NXPE2: variants seen among roughly 807,000 people sequenced by gnomAD.
The protein encoded by NXPE2 is NXPE family member 2.
In NXPE2, 34 loss-of-function variants were observed where a neutral mutation model predicts 34.4. The ratio of observed to expected loss-of-function variants is 0.99; its 90% CI spans 0.75 to 1.31. The LOEUF is 1.31. NXPE2 is among the 40% of genes most tolerant of loss of function. NXPE2 has a pLI of 0.00. For synonymous variants in NXPE2, 235 were observed against 231.3 expected (o/e 1.02, Z -0.15); for missense variants, 649 against 672.5 (o/e 0.97, Z 0.39).
At chr11:114,812,207 GC>G in the NXPE2 span, among the ~76,000 whole-genome samples, 1 of 152,152 alleles carries the variant, frequency 6.6e-6, no homozygotes, top group Non-Finnish European at 1.5e-5. Context: ...TGATCAAGTG[GC>G]CCCAGCTGAG....
chr11:114,564,228 T>C, the NXPE2 span, among the ~76,000 whole-genome samples: 3 of 152,178 alleles, frequency 2.0e-5, no homozygotes, highest in Non-Finnish European at 4.4e-5. Context: ...TCATATCATA[T>C]GTTCTCACTC....
At chr11:114,631,414 A>G in the NXPE2 span, among the ~76,000 whole-genome samples, 4 of 151,232 alleles carry the variant, frequency 2.6e-5, no homozygotes, top group African/African-American at 7.3e-5. Context: ...TCAGTAAACT[A>G]TCGCAAGAAC....
chr11:114,464,464 A>G, the NXPE2 span, among the ~76,000 whole-genome samples: 1 of 152,152 alleles, frequency 6.6e-6, no homozygotes, highest in South Asian at 2.1e-4. Context: ...TGCATTTTTG[A>G]CTCATGATAT....
the NXPE2 span, among the ~76,000 whole-genome samples, chr11:114,544,932 A>T: frequency 6.6e-6 from 1 of 152,194 alleles, no homozygotes; most frequent in South Asian, 2.1e-4. Context: ...ACCAAAGAAG[A>T]GACACGCATT....
At chr11:114,708,654 A>G (rs747840822), downstream of NXPE2, among the ~76,000 whole-genome samples, 8 of 151,866 alleles carry the variant, frequency 5.3e-5, no homozygotes, top group Non-Finnish European at 8.8e-5. Context: ...AAGAAAAGAA[A>G]AGAAAAGAAA....
At chr11:114,504,102 C>T in the NXPE2 span, among the ~76,000 whole-genome samples, 1 of 152,222 alleles carries the variant, frequency 6.6e-6, no homozygotes, top group Non-Finnish European at 1.5e-5. Context: ...GAGCCCACGG[C>T]AACTGCCCAC....
the NXPE2 span, among the ~76,000 whole-genome samples, chr11:114,752,619 T>C: frequency 6.6e-6 from 1 of 152,034 alleles, no homozygotes; most frequent in Admixed American, 6.5e-5. Flanking sequence ...TGAAAATAGA[T>C]CCTAGGAGAC....
At chr11:114,662,379 G>A in the NXPE2 span, among the ~76,000 whole-genome samples, 2 of 152,136 alleles carry the variant, frequency 1.3e-5, no homozygotes, top group African/African-American at 2.4e-5. Flanking sequence ...TACCCATCCG[G>A]GTTGTTGGAA....
At chr11:114,796,838 G>A in the NXPE2 span, among the ~76,000 whole-genome samples, 5 of 152,232 alleles carry the variant, frequency 3.3e-5, no homozygotes, top group Non-Finnish European at 7.3e-5. Context: ...ATTGCTGGAG[G>A]AAGGCTAAGA....
At chr11:114,515,984 A>G in the NXPE2 span, among the ~76,000 whole-genome samples, 2 of 152,238 alleles carry the variant, frequency 1.3e-5, no homozygotes, top group Admixed American at 1.3e-4. Flanking sequence ...GAGGCAAACA[A>G]TAGATGCTAT....
chr11:114,475,336 C>G, the NXPE2 span, among the ~76,000 whole-genome samples: 1 of 148,250 alleles, frequency 6.7e-6, no homozygotes. Context: ...CTCCGCCTCC[C>G]GGGTTCAAGT....
At chr11:114,640,175 T>C in the NXPE2 span, among the ~76,000 whole-genome samples, 3 of 112,570 alleles carry the variant, frequency 2.7e-5, no homozygotes, top group Admixed American at 1.0e-4. Context: ...TATAAATAAT[T>C]TATATATTAT....
chr11:114,776,009 C>T, the NXPE2 span, among the ~76,000 whole-genome samples: 1 of 152,228 alleles, frequency 6.6e-6, no homozygotes, highest in Non-Finnish European at 1.5e-5. Context: ...ACTCACAAGG[C>T]ATCAGCTGCT....
the NXPE2 span, among the ~76,000 whole-genome samples, chr11:114,653,771 G>A: frequency 1.6e-4 from 25 of 151,900 alleles, no homozygotes; most frequent in Non-Finnish European, 2.5e-4. Flanking sequence ...CTCGTGATCT[G>A]CCCATCTCGG....
the NXPE2 span, among the ~76,000 whole-genome samples, chr11:114,661,273 G>T: frequency 1.3e-5 from 2 of 152,078 alleles, no homozygotes; most frequent in Non-Finnish European, 2.9e-5. Context: ...ATGTTGAAAG[G>T]TAAGGGAAAT....
the NXPE2 span, among the ~76,000 whole-genome samples, chr11:114,802,143 A>G: frequency 2.0e-5 from 3 of 152,182 alleles, no homozygotes; most frequent in African/African-American, 7.2e-5. Context: ...ATAAAAGGCA[A>G]TTCATTAGCC....
the NXPE2 span, among the ~76,000 whole-genome samples, chr11:114,468,270 G>T: frequency 2.0e-5 from 3 of 152,158 alleles, no homozygotes; most frequent in Non-Finnish European, 4.4e-5. Flanking sequence ...TAGAGGTGGG[G>T]TGGGCTTGGG....
At chr11:114,582,669 C>A in the NXPE2 span, 2 of 1,614,178 alleles carry the variant, frequency 1.2e-6, no homozygotes, top group Non-Finnish European at 1.7e-6. Flanking sequence ...TCCTGAAGCA[C>A]CTGCCATCAG....
the NXPE2 span, among the ~76,000 whole-genome samples, chr11:114,632,699 T>TATATA: frequency 0.16 from 11,194 of 71,630 alleles, 1,540 homozygotes; most frequent in Non-Finnish European, 0.19. Context: ...TTTATATATT[T>TATATA]ATATAATATA....
Sources: allele counts gnomAD v4.1 joint callset (sites outside exome capture counted in the v4.1 genomes callset), GRCh38; gene constraint gnomAD v4.1.1; transcripts MANE v1.5; gene names NCBI Gene and HGNC (gene_info 2026-07-23, HGNC 2026-07-21).